LOC131768270: variants seen among roughly 807,000 people sequenced by gnomAD.
chr5:140,565,927 C>T, the LOC131768270 span: 31 of 398,964 alleles, frequency 7.8e-5, no homozygotes, highest in Middle Eastern at 1.9e-3. Context: ...GCTGGAAAGC[C>T]TGCAGCGGCG....
the LOC131768270 span, among the ~76,000 whole-genome samples, chr5:140,566,256 C>T: frequency 2.0e-5 from 3 of 152,080 alleles, no homozygotes; most frequent in African/African-American, 7.2e-5. Flanking sequence ...GTCCATTTGG[C>T]TACAGTAGTT....
At chr5:140,566,775 T>C in the LOC131768270 span, 13 of 599,514 alleles carry the variant, frequency 2.2e-5, no homozygotes, top group Admixed American at 2.4e-4. Context: ...CTAGGTGCCA[T>C]GGAAGAGGCA....
chr5:140,566,726 G>A, the LOC131768270 span: 1 of 591,382 alleles, frequency 1.7e-6, no homozygotes, highest in African/African-American at 1.9e-5. Context: ...AGACATTAAG[G>A]GACTATTTGC....
chr5:140,568,097 A>G, the LOC131768270 span: 11 of 1,613,730 alleles, frequency 6.8e-6, no homozygotes, highest in African/African-American at 2.7e-5. Flanking sequence ...CTTCCTGGCC[A>G]CATTGCTCAT....
the LOC131768270 span, chr5:140,568,596 C>T: frequency 5.3e-4 from 109 of 204,572 alleles, no homozygotes; most frequent in Non-Finnish European, 1.0e-3. Context: ...ATGACTCTTC[C>T]ATAAGGGATC....
chr5:140,567,037 C>A, the LOC131768270 span: 4 of 1,396,162 alleles, frequency 2.9e-6, no homozygotes, highest in Non-Finnish European at 3.0e-6. Context: ...TTGGTAGATG[C>A]CTCTGATCCT....
the LOC131768270 span, chr5:140,567,348 C>T: frequency 6.2e-7 from 1 of 1,614,072 alleles, no homozygotes; most frequent in Non-Finnish European, 8.5e-7. Flanking sequence ...ACTGAGCTGA[C>T]CAAGCTACTG....
At chr5:140,564,974 C>T in the LOC131768270 span, 3 of 399,230 alleles carry the variant, frequency 7.5e-6, no homozygotes, top group African/African-American at 2.1e-5. The surrounding 1 kb of genome is among the most constrained non-coding windows in gnomAD (Gnocchi z 5.0). Flanking sequence ...TCCCTTGTTT[C>T]TTCTGCGGCT....
At chr5:140,567,479 A>T in the LOC131768270 span, 1 of 1,614,126 alleles carries the variant, frequency 6.2e-7, no homozygotes, top group Non-Finnish European at 8.5e-7. Context: ...CAACCTGGTG[A>T]TCTATCTTCA....
At chr5:140,568,043 G>A in the LOC131768270 span, 8 of 1,613,942 alleles carry the variant, frequency 5.0e-6, no homozygotes, top group East Asian at 4.5e-5. Context: ...GGTCAACGCC[G>A]TGCTCTCAGC....
the LOC131768270 span, chr5:140,568,049 TCAG>T: frequency 1.2e-6 from 2 of 1,614,028 alleles, no homozygotes; most frequent in African/African-American, 1.3e-5. Context: ...CGCCGTGCTC[TCAG>T]CAGTCCTGCT....
the LOC131768270 span, chr5:140,565,906 C>T: frequency 2.5e-6 from 1 of 398,964 alleles, no homozygotes; most frequent in Non-Finnish European, 4.4e-6. Context: ...CCTGGCATTT[C>T]TCAAGAACCA....
the LOC131768270 span, chr5:140,566,027 G>A: frequency 1.4e-3 from 550 of 398,662 alleles, 1 homozygote; most frequent in African/African-American, 9.8e-3. Context: ...ACATGCTCTT[G>A]AGAGTGTTAA....
the LOC131768270 span, chr5:140,567,463 TAAC>T: frequency 2.5e-6 from 4 of 1,614,126 alleles, no homozygotes; most frequent in East Asian, 2.2e-5. Context: ...TCTATGGCGC[TAAC>T]AACAACCTGG....
At chr5:140,567,632 T>C in the LOC131768270 span, 10 of 1,614,218 alleles carry the variant, frequency 6.2e-6, no homozygotes, top group South Asian at 1.1e-4. Context: ...TGCGGGAGCC[T>C]GCTATGCAGC....
chr5:140,568,379 C>G, the LOC131768270 span: 1 of 621,680 alleles, frequency 1.6e-6, no homozygotes, highest in Non-Finnish European at 2.9e-6. Flanking sequence ...CCCCCACCCC[C>G]AACCAAGTTC....
At chr5:140,568,877 G>A in the LOC131768270 span, 2 of 167,096 alleles carry the variant, frequency 1.2e-5, no homozygotes. Context: ...CTTGAAGCCC[G>A]CTACCCACTC....
At chr5:140,567,923 T>C in the LOC131768270 span, 11 of 1,614,078 alleles carry the variant, frequency 6.8e-6, no homozygotes, top group Middle Eastern at 1.6e-4. Flanking sequence ...TTTCTCAGGA[T>C]GGGCAGCACT....
the LOC131768270 span, chr5:140,567,626 G>T: frequency 6.2e-7 from 1 of 1,614,156 alleles, no homozygotes; most frequent in Non-Finnish European, 8.5e-7. Context: ...GATGGCTGCG[G>T]GAGCCTGCTA....
Sources: allele counts gnomAD v4.1 joint callset (sites outside exome capture counted in the v4.1 genomes callset), GRCh38; gene constraint gnomAD v4.1.1; non-coding constraint Gnocchi (gnomAD v3.1); transcripts MANE v1.5.